NPEPPS: variants seen among roughly 807,000 people sequenced by gnomAD.
NPEPPS encodes aminopeptidase puromycin sensitive, also known as puromycin-sensitive aminopeptidase.
In NPEPPS, 14 loss-of-function variants were observed where a neutral mutation model predicts 115.5. The observed-to-expected ratio is 0.12, with a 90% confidence interval of 0.08 to 0.19. The LOEUF (loss-of-function observed/expected upper bound fraction) is 0.19. NPEPPS is among the 10% of genes least tolerant of loss of function. The pLI, the probability that NPEPPS is intolerant of heterozygous loss-of-function variation, is 1.00. For synonymous variants in NPEPPS, 285 were observed against 390.6 expected (o/e 0.73, Z 3.19); for missense variants, 523 against 1,110.8 (o/e 0.47, Z 7.52).
At chr17:47,620,787 T>C (rs1230032459) in intron 22 of NPEPPS, among the ~76,000 whole-genome samples, 1 of 152,222 alleles carries the variant, frequency 6.6e-6, no homozygotes, top group Admixed American at 6.5e-5. Context: ...CCAGCTGGTG[T>C]TTAAGAGTTG....
chr17:47,524,591 T>C (rs1412056135), intron 1 of NPEPPS, among the ~76,000 whole-genome samples: 1 of 151,028 alleles, frequency 6.6e-6, no homozygotes, highest in African/African-American at 2.4e-5. Context: ...GCCTCCCGGG[T>C]TCACACCATT....
At chr17:47,574,659 C>T (rs1025726481) in intron 3 of NPEPPS, among the ~76,000 whole-genome samples, 17 of 152,140 alleles carry the variant, frequency 1.1e-4, no homozygotes, top group Admixed American at 2.6e-4. Flanking sequence ...GGTGCAGTCA[C>T]GGCTCACTGC....
rs1183210068 is a variant in NPEPPS, at chr17:47,576,031, A to C, written c.419-3359A>C. Among the ~76,000 whole-genome samples the C allele has an allele frequency of 2.0e-5, 3 of 152,320 alleles. No homozygotes were observed. The East Asian group carries it at 5.8e-4, about 29-fold the overall frequency. On this transcript the variant is annotated intron_variant, in intron 3 of 22. Transcript: ENST00000322157. ...TGCACAAGTGATCTATCTGATAATG[A>C]AGCAAATACTGAGCTTATCTTAGGA...
rs1325125540 is a variant in NPEPPS, at chr17:47,599,714, G to A, written c.1575G>A (p.Lys525=). 6.4e-7 allele frequency: 1 copy of A among 1,562,840 alleles called. No homozygotes were observed. ...DDRLLRLSQK[K]FCAGGSYVGE... ...GATTATTGAGGTTGTCCCAAAAGAAGTTCTGTGCTGGTGGGTCATATGTTG... is the reference window on the plus strand; with the variant it reads ...GATTATTGAGGTTGTCCCAAAAGAAATTCTGTGCTGGTGGGTCATATGTTG... The change falls in exon 14 of 23, where the codon AAG becomes AAA. Residue 525 remains lysine, a synonymous_variant. Coordinates refer to ENST00000322157, the MANE Select transcript of NPEPPS (RefSeq NM_006310.4).
intron 5 of NPEPPS, among the ~76,000 whole-genome samples, chr17:47,583,123 C>T (rs199740065): frequency 6.6e-6 from 1 of 150,660 alleles, no homozygotes; most frequent in Non-Finnish European, 1.5e-5. Flanking sequence ...GCTGGGATTA[C>T]AGGCATGAGC....
rs1913452513 is a variant in NPEPPS at position 47,605,388 on chromosome 17, T to C, written c.1931T>C (p.Val644Ala). ...GTTCTAAAAGTCATGGAGGCTTTTG[T>C]GAATGAGCCCAATTATACTGTATGG... Reference protein sequence around the residue: ...VEVLKVMEAFVNEPNYTVWSD... With the variant: ...VEVLKVMEAFANEPNYTVWSD... Residue 644 changes from valine (V) to alanine (A), a missense_variant, in exon 17 of 23, where the codon GTG becomes GCG. Around this residue, in one of 4 missense-constraint regions of NPEPPS, gnomAD observed 372 missense variants for 542.6 expected, o/e 0.69. Coordinates refer to ENST00000322157, the MANE Select transcript of NPEPPS (RefSeq NM_006310.4). 2 of 1,611,918 alleles carry C rather than the reference T, an allele frequency of 1.2e-6. No homozygotes were observed. The highest frequency in any genetic ancestry group is 1.7e-6 in the Non-Finnish European group (2 of 1,179,028).
At chr17:47,538,533 T>C (rs1223710407) in intron 1 of NPEPPS, among the ~76,000 whole-genome samples, 2 of 142,636 alleles carry the variant, frequency 1.4e-5, no homozygotes, top group African/African-American at 2.6e-5. Flanking sequence ...TTTCTTTTTT[T>C]TTTTTTTTTT....
intron 1 of NPEPPS, among the ~76,000 whole-genome samples, chr17:47,543,891 G>GTTTA (rs149949702): frequency 1.4e-4 from 20 of 141,170 alleles, no homozygotes; most frequent in Admixed American, 4.9e-4. Context: ...TTGTTTGTTT[G>GTTTA]TTTATTTATT....
intron 10 of NPEPPS, among the ~76,000 whole-genome samples, chr17:47,591,233 C>T (rs1912485159): frequency 6.6e-6 from 1 of 151,732 alleles, no homozygotes; most frequent in South Asian, 2.1e-4. Context: ...TAGCTGGGCA[C>T]GGTGGCGCAT....
chr17:47,563,189 G>A (rs1206776246), intron 2 of NPEPPS, among the ~76,000 whole-genome samples: 1 of 151,376 alleles, frequency 6.6e-6, no homozygotes, highest in African/African-American at 2.4e-5. Context: ...GCACCACCAC[G>A]CCTGGCTAAT....
chr17:47,524,652 G>A (rs1261676293), intron 1 of NPEPPS, among the ~76,000 whole-genome samples: 5 of 118,692 alleles, frequency 4.2e-5, no homozygotes, highest in Admixed American at 3.0e-4. Flanking sequence ...CTGCCACCAC[G>A]CCTGGCTAAT....
chr17:47,589,975 T>C (rs887783025), intron 9 of NPEPPS, among the ~76,000 whole-genome samples: 2 of 152,238 alleles, frequency 1.3e-5, no homozygotes, highest in African/African-American at 4.8e-5. Context: ...CTGTTGTCTT[T>C]TCCTTTTCCA....
At chr17:47,606,001 C>T (rs544807838) in intron 17 of NPEPPS, among the ~76,000 whole-genome samples, 2 of 152,186 alleles carry the variant, frequency 1.3e-5, no homozygotes, top group Admixed American at 6.5e-5. Flanking sequence ...CCTTAGCCTC[C>T]CGAGTAGCTG....
rs886555050 is a variant in NPEPPS, at chr17:47,555,778, G to A, written c.340+9785G>A. On this transcript the variant is annotated intron_variant, in intron 2 of 22. Coordinates refer to ENST00000322157, the MANE Select transcript of NPEPPS (RefSeq NM_006310.4). ...CATAAGGAAGAGGAGGCTCACAACT[G>A]GAGGGTATCAGAGATCTTTCATTGC... Among the ~76,000 whole-genome samples the A allele has an allele frequency of 4.6e-5, 7 of 151,718 alleles. No homozygotes were observed. In the East Asian group the frequency reaches 7.7e-4, roughly 17 times the overall value.
intron 12 of NPEPPS, among the ~76,000 whole-genome samples, chr17:47,594,991 G>A (rs900170378): frequency 6.6e-6 from 1 of 151,390 alleles, no homozygotes; most frequent in African/African-American, 2.4e-5. Flanking sequence ...GTGCAGTGGT[G>A]CAGTCTTGGC....
intron 5 of NPEPPS, among the ~76,000 whole-genome samples, chr17:47,585,073 T>G (rs2935169): frequency 6.6e-6 from 1 of 152,204 alleles, no homozygotes; most frequent in Non-Finnish European, 1.5e-5. Flanking sequence ...GTGATTCGCC[T>G]GCCTAAGCCT....
At chr17:47,579,359 A>G in intron 3 of NPEPPS, 31 bp from the exon 4 acceptor site, 1 of 1,558,536 alleles carries the variant, frequency 6.4e-7, no homozygotes, top group Non-Finnish European at 8.7e-7. Context: ...ACATCTCCAT[A>G]AAAGTGTTTT....
At position 47,587,436 on chromosome 17, in the gene NPEPPS, C is replaced by G. The variant is rs537459294; in HGVS notation, c.1095+92C>G. The G allele has an allele frequency of 1.3e-5, 15 of 1,154,534 alleles. No individual in the cohort carries two copies. The Admixed American group carries it at 4.3e-4, about 33-fold the overall frequency. The allele number at this position is 1,154,534 out of a possible 1,614,324, so 71.5% of individuals were successfully genotyped here. On this transcript the variant is annotated intron_variant, in intron 9 of 22. Coordinates refer to ENST00000322157, the MANE Select transcript of NPEPPS (RefSeq NM_006310.4). ...TAGTATTTCAAGTTTGGCTGCAACA[C>G]TGTGCCAAAAAATAATTGAGTGATA...
At chr17:47,584,324 T>G (rs939224375) in intron 5 of NPEPPS, among the ~76,000 whole-genome samples, 6 of 152,122 alleles carry the variant, frequency 3.9e-5, no homozygotes, top group Admixed American at 3.9e-4. Context: ...TGAAGTATAT[T>G]TAGGTCTCTG....
Sources: gnomAD v4.1 joint callset for allele counts (sites outside exome capture counted in the v4.1 genomes callset) on GRCh38, gnomAD v4.1.1 for gene constraint, gnomAD v4.1.1 regional missense constraint, MANE v1.5 for transcripts, NCBI Gene and HGNC (gene_info 2026-07-23, HGNC 2026-07-21) for gene names.